Variants in TSC2 observed in about 807,000 individuals in gnomAD.
TSC2 encodes the protein TSC complex subunit 2.
In TSC2, 29 loss-of-function variants were observed where a neutral mutation model predicts 202.2. The observed-to-expected ratio is 0.14, with a 90% CI of 0.11 to 0.20. The LOEUF (loss-of-function observed/expected upper bound fraction) is 0.20, where lower values mean the gene tolerates loss of function less well. TSC2 is among the 10% of genes least tolerant of loss of function. The probability of loss-of-function intolerance (pLI) is 1.00; values close to 1 mark genes in which losing one functional copy is unlikely to be tolerated. For missense variants in TSC2, 2,429 were observed against 2,420.0 expected (o/e 1.00, Z -0.08); for synonymous variants, 1,349 against 1,044.0 (o/e 1.29, Z -5.63).
chr16:2,088,891 A>T lies in TSC2; in HGVS notation c.*281A>T. The T allele has an allele frequency of 2.2e-6, 1 of 446,972 alleles. No homozygotes were observed. The allele number at this position is 446,972 out of a possible 1,614,324, so 27.7% of individuals were successfully genotyped here. A position where few individuals can be genotyped will look rare whatever the true frequency, so the allele number is the denominator to read the frequency against. ...CGCGCGTGCGCGCGCGCACACACACACACACACAGTCACCTTCCTCCACCC... is the reference window on the plus strand; with the variant it reads ...CGCGCGTGCGCGCGCGCACACACACTCACACACAGTCACCTTCCTCCACCC... On this transcript the variant is annotated 3_prime_UTR_variant, in exon 42 of 42. Coordinates refer to ENST00000219476, the MANE Select transcript of TSC2 (RefSeq NM_000548.5).
In TSC2 at chr16:2,058,814, G is replaced by A. The variant is rs1215705768; in HGVS notation, c.916G>A (p.Ala306Thr). 1 of 1,601,814 alleles carries A rather than the reference G, an allele frequency of 6.2e-7. No homozygotes were observed. ...TTTTGTGGGCATGGCTCTCTGGGGA[G>A]CCCACCGGCTCTATTCTCTCAGGAA... ...VFFVGMALWG[A>T]HRLYSLRNSP... Residue 306 changes from alanine to threonine, a missense_variant, in exon 10 of 42, where the codon GCC becomes ACC. Coordinates refer to ENST00000219476, the MANE Select transcript of TSC2 (RefSeq NM_000548.5).
rs754121475 is a variant in TSC2 at position 2,048,687 on chromosome 16, G to A, written c.72G>A (p.Pro24=). 4.3e-6 allele frequency: 7 copies of A among 1,613,900 alleles called. No homozygotes were observed. The East Asian group carries it at 1.3e-4, about 31-fold the overall frequency. Residue 24 remains proline, a synonymous_variant, in exon 2 of 42, where the codon CCG becomes CCA. Coordinates refer to ENST00000219476, the MANE Select transcript of TSC2 (RefSeq NM_000548.5). ...KFKILLGLGT[P]RPNPRSAEGK... is the part of the protein sequence containing the mutation. ...AGATTCTGTTGGGACTGGGAACACC[G>A]AGGCCAAATCCCAGGTCTGCAGAGG...
At chr16:2,052,327 A>G (rs1489856239) in intron 3 of TSC2, among the ~76,000 whole-genome samples, 2 of 151,584 alleles carry the variant, frequency 1.3e-5, no homozygotes. Context: ...TTATTTGGTT[A>G]GAGACAAGGT....
chr16:2,063,812 C>T (rs949526241), intron 14 of TSC2: 6 of 270,470 alleles, frequency 2.2e-5, no homozygotes, highest in Middle Eastern at 1.3e-3. Context: ...GAACTTTTTA[C>T]CTGCTTCTGT....
At chr16:2,083,590 G>A (rs1404154267) in intron 32 of TSC2, 105 bp from the exon 33 acceptor site, 11 of 1,533,074 alleles carry the variant, frequency 7.2e-6, no homozygotes, top group Non-Finnish European at 8.8e-6. Context: ...GAGGCTCGCA[G>A]GGCTGCTGTC....
At chr16:2,068,578 C>T (rs1035432738) in intron 16 of TSC2, 4 of 152,080 alleles carry the variant, frequency 2.6e-5, no homozygotes, top group Non-Finnish European at 5.9e-5. Flanking sequence ...TAGAGAAAAG[C>T]AAATGCTGTT....
At chr16:2,054,653 CCT>C (rs1264216553) in intron 5 of TSC2, 7 of 662,568 alleles carry the variant, frequency 1.1e-5, no homozygotes, top group Admixed American at 2.5e-5. Flanking sequence ...TCACCCCAGA[CCT>C]GCTGACTGTG....
chr16:2,056,125 C>T (rs1295005181), intron 6 of TSC2, 71 bp from the exon 7 acceptor site: 1 of 1,597,586 alleles, frequency 6.3e-7, no homozygotes, highest in South Asian at 1.1e-5. Context: ...CATAGAGTGA[C>T]TAGACCACAG....
chr16:2,055,646 A>C (rs1307528945), intron 6 of TSC2, 127 bp downstream of exon 6: 4 of 925,176 alleles, frequency 4.3e-6, no homozygotes, highest in Non-Finnish European at 7.0e-6. Context: ...TAATCTCAGC[A>C]CTTTGGGAGG....
In TSC2 at chr16:2,088,732, G is replaced by C. The variant is rs2091246429; in HGVS notation, c.*122G>C. ...ATTGCAGTCAGACAGCTCTTTTATT[G>C]ACTTTGTCTGCTTGGTGCGGGGGTT... On this transcript the variant is annotated 3_prime_UTR_variant, in exon 42 of 42. Coordinates refer to ENST00000219476, the MANE Select transcript of TSC2 (RefSeq NM_000548.5). 6.6e-6 allele frequency: 9 copies of C among 1,353,614 alleles called. No homozygotes were observed. The South Asian group carries it at 1.2e-4, about 18-fold the overall frequency. 83.9% of individuals were successfully genotyped at this position (1,353,614 alleles called of 1,614,324 possible). A position where few individuals can be genotyped will look rare whatever the true frequency, so the allele number is the denominator to read the frequency against.
chr16:2,078,899 C>A, intron 26 of TSC2, 133 bp from the exon 27 acceptor site: 2 of 1,198,400 alleles, frequency 1.7e-6, no homozygotes, highest in Non-Finnish European at 2.4e-6. Flanking sequence ...GCTCGCTGGG[C>A]CGCCCACGCC....
chr16:2,088,882 C>A lies in TSC2; in HGVS notation c.*272C>A. 4.6e-6 allele frequency: 1 copy of A among 215,770 alleles called. No individual in the cohort carries two copies. The highest frequency in any genetic ancestry group is 7.7e-5 in the Admixed American group (1 of 12,942). The allele number at this position is 215,770 out of a possible 1,614,324, so 13.4% of individuals were successfully genotyped here. A position where few individuals can be genotyped will look rare whatever the true frequency, so the allele number is the denominator to read the frequency against. The stretch of plus-strand genomic sequence containing the variant: ...CAGCACACTCGCGCGTGCGCGCGCG[C>A]ACACACACACACACACAGTCACCTT... On this transcript the variant is annotated 3_prime_UTR_variant, in exon 42 of 42. Transcript: ENST00000219476.
chr16:2,064,157 G>A, intron 14 of TSC2, 115 bp from the exon 15 acceptor site: 2 of 1,541,186 alleles, frequency 1.3e-6, no homozygotes, highest in Non-Finnish European at 1.8e-6. Flanking sequence ...CAGCTGTGCT[G>A]AAGTCCCGAG....
At chr16:2,049,887 C>G (rs555274650) in intron 2 of TSC2, among the ~76,000 whole-genome samples, 6 of 150,932 alleles carry the variant, frequency 4.0e-5, no homozygotes, top group African/African-American at 1.5e-4. Context: ...ACAACATTTG[C>G]AGTTGTGAAA....
intron 14 of TSC2, chr16:2,063,749 G>GCCCTCTGTCC: frequency 2.9e-5 from 7 of 237,808 alleles, no homozygotes; most frequent in South Asian, 1.7e-4. Flanking sequence ...GTTCCTCTGG[G>GCCCTCTGTCC]TCCTCTGGCT....
chr16:2,081,201 G>A (rs538931694), intron 30 of TSC2: 6 of 349,458 alleles, frequency 1.7e-5, no homozygotes, highest in South Asian at 7.2e-5. Context: ...GTTCCCAGGG[G>A]CAGAGGGAGC....
chr16:2,054,509 C>G, intron 5 of TSC2, 69 bp downstream of exon 5: 3 of 1,606,836 alleles, frequency 1.9e-6, no homozygotes, highest in South Asian at 2.2e-5. Flanking sequence ...TGGGAAGGAC[C>G]TGGGGCTGGG....
In TSC2 at chr16:2,059,992, C is replaced by A. The variant is rs559597688; in HGVS notation, c.976-678C>A. On this transcript the variant is annotated intron_variant, in intron 10 of 41. Coordinates refer to ENST00000219476, the MANE Select transcript of TSC2 (RefSeq NM_000548.5). ...CTTTATTCTCAAGCAAACCTTACAT[C>A]TTGCGAGTTTCACCTTCTGGAGTTG... 5.9e-5 allele frequency among the ~76,000 whole-genome samples: 9 copies of A among 152,298 alleles called. No homozygotes were observed. In the South Asian group the frequency reaches 1.9e-3, roughly 32 times the overall value.
intron 4 of TSC2, 69 bp from the exon 5 acceptor site, chr16:2,054,226 TC>T (rs1385196683): frequency 1.2e-6 from 2 of 1,611,436 alleles, no homozygotes; most frequent in Non-Finnish European, 1.7e-6. Flanking sequence ...CCCCTGCACT[TC>T]AGGGACTTCT....
Sources: gnomAD v4.1 joint callset for allele counts (sites outside exome capture counted in the v4.1 genomes callset) on GRCh38, gnomAD v4.1.1 for gene constraint, MANE v1.5 for transcripts, NCBI Gene and HGNC (gene_info 2026-07-23, HGNC 2026-07-21) for gene names.